The following AP1B1 variants were observed in gnomAD, a reference collection of about 807,000 sequenced individuals.
AP1B1 encodes the protein AP-1 complex subunit beta-1.
In AP1B1, 36 loss-of-function variants were observed where a neutral mutation model predicts 104.3. The ratio of observed to expected loss-of-function variants is 0.35; its 90% confidence interval spans 0.26 to 0.46. AP1B1 has a LOEUF of 0.46. AP1B1 is among the 20% of genes least tolerant of loss of function. The pLI is 1.00. For missense variants in AP1B1, 901 were observed against 1,247.9 expected, an observed-to-expected ratio of 0.72 and a Z score of 4.19; for synonymous variants, 504 against 517.5, an observed-to-expected ratio of 0.97 and a Z score of 0.35.
chr22:29,330,790 C>T, intron 19 of AP1B1, 81 bp from the exon 20 acceptor site: 1 of 1,199,010 alleles, frequency 8.3e-7, no homozygotes, highest in Non-Finnish European at 1.2e-6. Flanking sequence ...GGAAATGGGT[C>T]TGGCCTTTAC....
intron 2 of AP1B1, among the ~76,000 whole-genome samples, chr22:29,363,664 G>A (rs2062086739): frequency 6.6e-6 from 1 of 151,716 alleles, no homozygotes; most frequent in Non-Finnish European, 1.5e-5. Context: ...AAAAAAAGAG[G>A]CTGAGGATTA....
chr22:29,377,466 A>G (rs981383075), intron 1 of AP1B1, among the ~76,000 whole-genome samples: 6 of 152,146 alleles, frequency 3.9e-5, no homozygotes, highest in African/African-American at 1.4e-4. Flanking sequence ...GGTAGTAGTA[A>G]TGGTAAATGG....
intron 16 of AP1B1, among the ~76,000 whole-genome samples, 196 bp downstream of exon 16, chr22:29,338,794 G>T (rs771601546): frequency 6.6e-6 from 1 of 152,114 alleles, no homozygotes; most frequent in African/African-American, 2.4e-5. Context: ...GAGGTCCTGC[G>T]ACTCCTCTGG....
Position 29,356,484 on chromosome 22 carries a change from T to C in AP1B1, c.658A>G (p.Ile220Val), listed in dbSNP as rs1371856306. 1 of 1,614,178 alleles carries C rather than the reference T, an allele frequency of 6.2e-7. No homozygotes were observed. Among genetic ancestry groups the C allele is most frequent in the Non-Finnish European group, 8.5e-7 (1 of 1,180,008 alleles). The change falls in exon 6 of 23, where the codon ATC becomes GTC. Residue 220 changes from isoleucine to valine, a missense_variant. Coordinates refer to ENST00000357586, the MANE Select transcript of AP1B1 (RefSeq NM_001127.4). Reference sequence around the variant, plus strand: ...TTGGCGAGGCAGTCCAGGATGAAGATCTGGCCCCACTCGGTGCACTCATTG... The same window carrying C: ...TTGGCGAGGCAGTCCAGGATGAAGACCTGGCCCCACTCGGTGCACTCATTG... ...ALNECTEWGQIFILDCLANYM... is the reference protein window; with the variant it reads ...ALNECTEWGQVFILDCLANYM...
intron 7 of AP1B1, among the ~76,000 whole-genome samples, chr22:29,353,518 G>C (rs2061909436): frequency 6.6e-6 from 1 of 152,202 alleles, no homozygotes; most frequent in African/African-American, 2.4e-5. Flanking sequence ...TTAAATCCGT[G>C]ACCCAAGGGC....
At position 29,349,429 on chromosome 22, in the gene AP1B1, G is replaced by A. The variant is rs768229085; in HGVS notation, c.1272-46C>T. The stretch of plus-strand genomic sequence containing the variant: ...TGGTATGGGAGCCCTCAAGGAGAAC[G>A]GGAAACCCAGGGAAGCCAGACAGGG... On this transcript the variant is annotated intron_variant, in intron 10 of 22. Transcript: ENST00000357586. 9.4e-6 allele frequency: 15 copies of A among 1,595,914 alleles called. No homozygotes were observed. The East Asian group carries it at 1.1e-4, about 12-fold the overall frequency.
At position 29,354,828 on chromosome 22, in the gene AP1B1, C is replaced by T. The variant is rs200526044; in HGVS notation, c.760G>A (p.Ala254Thr). 62 of 1,613,968 alleles carry T rather than the reference C, an allele frequency of 3.8e-5. No homozygotes were observed. The highest frequency in any genetic ancestry group is 4.7e-5 in the Non-Finnish European group (56 of 1,180,034). The stretch of plus-strand genomic sequence containing the variant: ...ACCTTCACAGCAGAGAGCACCACAG[C>T]GGAGTTGGCATGGGAGAGCCTGGGG... ...VTPRLSHANSAVVLSAVKVLM... is the reference protein window; with the variant it reads ...VTPRLSHANSTVVLSAVKVLM... Residue 254 changes from alanine to threonine, a missense_variant, in exon 7 of 23, where the codon GCT (alanine) becomes ACT (threonine). By Grantham distance (58) the Ala-to-Thr change is moderately conservative. This residue lies in a region of AP1B1 where 471 missense variants were observed against 696.7 expected (regional missense o/e 0.68). Coordinates refer to ENST00000357586, the MANE Select transcript of AP1B1 (RefSeq NM_001127.4).
At chr22:29,355,556 G>T (rs1569159247) in intron 6 of AP1B1, among the ~76,000 whole-genome samples, 1 of 152,188 alleles carries the variant, frequency 6.6e-6, no homozygotes, top group East Asian at 1.9e-4. Flanking sequence ...ATCACTCTGA[G>T]CCTCAGTTTC....
At chr22:29,348,380 C>T (rs2147974622) in intron 11 of AP1B1, among the ~76,000 whole-genome samples, 1 of 152,308 alleles carries the variant, frequency 6.6e-6, no homozygotes, top group East Asian at 1.9e-4. Context: ...TTGTTGATTT[C>T]CTTGTTTAAA....
In AP1B1 at chr22:29,340,775, C is replaced by T. The variant is rs151248589; in HGVS notation, c.1879G>A (p.Asp627Asn). 9.2e-4 allele frequency: 1,465 copies of T among 1,599,568 alleles called. 11 individuals carry two copies. Among genetic ancestry groups the T allele is most frequent in the South Asian group, 2.7e-3 (241 of 87,684 alleles). Residue 627 changes from aspartate to asparagine, a missense_variant, in exon 14 of 23, where the codon GAC becomes AAC. Physicochemically the swap from Asp to Asn is conservative, Grantham distance 23 (BLOSUM62 1). Coordinates refer to ENST00000357586, the MANE Select transcript of AP1B1 (RefSeq NM_001127.4). ...AGGTTGAGGAGGTCACCCAGCAGGTCGCCCTGGGCGGGGATGACATCTGGC... is the reference window on the plus strand; with the variant it reads ...AGGTTGAGGAGGTCACCCAGCAGGTTGCCCTGGGCGGGGATGACATCTGGC... ...EQPDVIPAQG[D>N]LLGDLLNLDL...
Position 29,350,114 on chromosome 22 carries a change from G to A in AP1B1, c.1192C>T (p.Leu398Phe), listed in dbSNP as rs1426087851. ...ACATAGTTGACCTTGGTCTGGATGA[G>A]GTCGAGCAGCGTGCTCACACAGCGC... ...AERCVSTLLD[L>F]IQTKVNYVVQ... The change falls in exon 10 of 23, where the codon CTC becomes TTC. Residue 398 changes from leucine to phenylalanine, a missense_variant. Physicochemically the swap from Leu to Phe is conservative, Grantham distance 22 (BLOSUM62 0). Transcript: ENST00000357586. 2 of 1,614,204 alleles carry A rather than the reference G, an allele frequency of 1.2e-6. No homozygotes were observed. Among genetic ancestry groups the A allele is most frequent in the Non-Finnish European group, 1.7e-6 (2 of 1,180,030 alleles).
intron 1 of AP1B1, among the ~76,000 whole-genome samples, chr22:29,384,695 C>T (rs1471988936): frequency 6.6e-6 from 1 of 151,916 alleles, no homozygotes; most frequent in Non-Finnish European, 1.5e-5. Flanking sequence ...TGGTGAAACC[C>T]CATCTCTACT....
At chr22:29,365,094 T>C (rs914512583) in intron 2 of AP1B1, among the ~76,000 whole-genome samples, 1 of 152,148 alleles carries the variant, frequency 6.6e-6, no homozygotes, top group African/African-American at 2.4e-5. Flanking sequence ...TGCATTTCCC[T>C]CCGTTTTGCA....
Position 29,349,364 on chromosome 22 carries a change from T to C in AP1B1, c.1291A>G (p.Thr431Ala). Reference protein sequence around the residue: ...YPNKYESVIATLCENLDSLDE... With the variant: ...YPNKYESVIAALCENLDSLDE... ...AGGGAGTCCAGATTCTCACACAGTG[T>C]GGCAATCACACTCTCATACCTGGGA... The change falls in exon 11 of 23, where the codon ACA becomes GCA. Residue 431 changes from threonine (T) to alanine (A), a missense_variant. Transcript: ENST00000357586. The C allele has an allele frequency of 6.2e-7, 1 of 1,613,864 alleles. No individual in the cohort carries two copies. Among genetic ancestry groups the C allele is most frequent in the Non-Finnish European group, 8.5e-7 (1 of 1,180,006 alleles).
At chr22:29,341,122 T>C (rs1300717646) in intron 13 of AP1B1, among the ~76,000 whole-genome samples, 1 of 152,200 alleles carries the variant, frequency 6.6e-6, no homozygotes, top group Non-Finnish European at 1.5e-5. Context: ...TGGATGCCAG[T>C]GCCCTAGGAC....
intron 14 of AP1B1, 133 bp from the exon 15 acceptor site, chr22:29,339,907 A>G: frequency 9.8e-7 from 1 of 1,021,768 alleles, no homozygotes; most frequent in South Asian, 1.4e-5. Flanking sequence ...ATCCGAGAGG[A>G]GTGTGGTGTG....
chr22:29,380,859 G>A (rs982056215), intron 1 of AP1B1, among the ~76,000 whole-genome samples: 2 of 152,096 alleles, frequency 1.3e-5, no homozygotes, highest in Admixed American at 6.5e-5. Flanking sequence ...TCTGCTCAAC[G>A]TCTTCCAACG....
At chr22:29,387,780 G>A (rs1324798933) in intron 1 of AP1B1, among the ~76,000 whole-genome samples, 1 of 152,132 alleles carries the variant, frequency 6.6e-6, no homozygotes, top group African/African-American at 2.4e-5. Context: ...GATAAAATAG[G>A]GATATTTAAT....
chr22:29,333,955 C>G (rs1359277092), intron 17 of AP1B1, among the ~76,000 whole-genome samples: 1 of 152,206 alleles, frequency 6.6e-6, no homozygotes, highest in Non-Finnish European at 1.5e-5. Flanking sequence ...GTCCCAGTTA[C>G]TCGGGAGGCT....
Sources: allele counts gnomAD v4.1 joint callset (sites outside exome capture counted in the v4.1 genomes callset), GRCh38; gene constraint gnomAD v4.1.1; regional missense constraint gnomAD v4.1.1; transcripts MANE v1.5; gene names NCBI Gene and HGNC (gene_info 2026-07-23, HGNC 2026-07-21).